DNAH9: variants seen among roughly 807,000 people sequenced by gnomAD.
DNAH9 encodes the protein dynein axonemal heavy chain 9.
Under a neutral mutation model 471.6 loss-of-function variants are expected in DNAH9, and 345 were observed. The ratio of observed to expected loss-of-function variants is 0.73; its 90% CI spans 0.67 to 0.80. The LOEUF (loss-of-function observed/expected upper bound fraction) is 0.80. DNAH9 is among the 30% of genes least tolerant of loss of function. The pLI is 0.00. For missense variants in DNAH9, 5,407 were observed against 5,609.2 expected, an observed-to-expected ratio of 0.96 and a Z score of 1.15; for synonymous variants, 2,093 against 2,123.6, an observed-to-expected ratio of 0.99 and a Z score of 0.40.
At chr17:11,607,109 C>T (rs1226074082) in intron 1 of DNAH9, among the ~76,000 whole-genome samples, 4 of 152,188 alleles carry the variant, frequency 2.6e-5, no homozygotes, top group Non-Finnish European at 4.4e-5. Flanking sequence ...TTTCAAGGTG[C>T]CCTTCCCACC....
rs1972717748 is a variant in DNAH9, at chr17:11,881,427, G to A, written c.10806+14G>A. The stretch of plus-strand genomic sequence containing the variant: ...GAGCAGCTGAAGGTGAGGACAGAAG[G>A]GAGAAAATGTTCTGCCACTAGAGCC... On this transcript the variant is annotated intron_variant, in intron 55 of 68. Transcript: ENST00000262442. The A allele has an allele frequency of 1.9e-6, 3 of 1,603,248 alleles. No individual in the cohort carries two copies. Among genetic ancestry groups the A allele is most frequent in the Admixed American group, 1.7e-5 (1 of 58,994 alleles).
At chr17:11,734,733 C>G (rs2075318321) in intron 28 of DNAH9, among the ~76,000 whole-genome samples, 1 of 152,234 alleles carries the variant, frequency 6.6e-6, no homozygotes, top group South Asian at 2.1e-4. Flanking sequence ...GTGATTTGCT[C>G]TGCAGACTCA....
At chr17:11,817,271 T>C (rs1386466525) in intron 45 of DNAH9, among the ~76,000 whole-genome samples, 3 of 152,172 alleles carry the variant, frequency 2.0e-5, no homozygotes, top group Non-Finnish European at 4.4e-5. Flanking sequence ...CAAATTTTGT[T>C]CCCTATTCAG....
intron 13 of DNAH9, among the ~76,000 whole-genome samples, chr17:11,652,490 T>C (rs1297738754): frequency 6.6e-6 from 1 of 151,946 alleles, no homozygotes; most frequent in African/African-American, 2.4e-5. Flanking sequence ...TTTCACCGTG[T>C]TAGCCAGGAT....
intron 38 of DNAH9, among the ~76,000 whole-genome samples, chr17:11,771,238 CTT>C (rs1030452266): frequency 1.3e-5 from 2 of 152,188 alleles, no homozygotes; most frequent in African/African-American, 4.8e-5. Context: ...AAGCAATTCT[CTT>C]GTCTCAGCCT....
chr17:11,890,878 G>A (rs1037095564), intron 57 of DNAH9, among the ~76,000 whole-genome samples: 13 of 152,010 alleles, frequency 8.6e-5, no homozygotes, highest in East Asian at 1.9e-4. Context: ...GTAGAGACAC[G>A]GTCTCGCTAT....
At chr17:11,725,846 G>A (rs1289812038) in intron 27 of DNAH9, among the ~76,000 whole-genome samples, 3 of 151,956 alleles carry the variant, frequency 2.0e-5, no homozygotes, top group Non-Finnish European at 4.4e-5. Context: ...CAGCCTGGGT[G>A]ACAGAGCAAG....
intron 45 of DNAH9, among the ~76,000 whole-genome samples, chr17:11,815,100 C>T (rs376742219): frequency 1.9e-4 from 29 of 152,226 alleles, no homozygotes; most frequent in African/African-American, 5.3e-4. Flanking sequence ...AAACCAGGAC[C>T]GGTTTGGTTC....
At chr17:11,884,145 C>G (rs2150998219) in intron 56 of DNAH9, among the ~76,000 whole-genome samples, 1 of 152,198 alleles carries the variant, frequency 6.6e-6, no homozygotes, top group South Asian at 2.1e-4. Context: ...ATGATTGCAT[C>G]CTGACAAAAC....
At chr17:11,732,375 C>T (rs914262870) in intron 28 of DNAH9, among the ~76,000 whole-genome samples, 33 of 152,076 alleles carry the variant, frequency 2.2e-4, no homozygotes, top group Admixed American at 1.8e-3. Context: ...GAATACCCAT[C>T]CAAGGAGAAA....
intron 61 of DNAH9, among the ~76,000 whole-genome samples, chr17:11,908,774 G>C (rs1973689785): frequency 6.6e-6 from 1 of 152,258 alleles, no homozygotes; most frequent in South Asian, 2.1e-4. Flanking sequence ...GGTCTGGGCA[G>C]TCTTTTAACG....
At chr17:11,888,448 T>A (rs1455764906) in intron 57 of DNAH9, among the ~76,000 whole-genome samples, 1 of 152,192 alleles carries the variant, frequency 6.6e-6, no homozygotes, top group Non-Finnish European at 1.5e-5. Flanking sequence ...TGAAATTGAC[T>A]ATAGGTACCC....
intron 15 of DNAH9, among the ~76,000 whole-genome samples, chr17:11,667,318 C>T (rs554301478): frequency 5.9e-5 from 9 of 152,072 alleles, no homozygotes; most frequent in African/African-American, 2.2e-4. Flanking sequence ...ATAAACTATA[C>T]CATCTTATAA....
At chr17:11,608,094 C>A (rs9896307) in intron 1 of DNAH9, 35 bp from the exon 2 acceptor site, 4 of 1,482,448 alleles carry the variant, frequency 2.7e-6, no homozygotes, top group Non-Finnish European at 2.7e-6. Flanking sequence ...AGAATTGGAA[C>A]ACCTGCCTTT....
chr17:11,747,117 T>C (rs1427960451), intron 31 of DNAH9, among the ~76,000 whole-genome samples: 1 of 152,208 alleles, frequency 6.6e-6, no homozygotes, highest in African/African-American at 2.4e-5. Context: ...ATGTGTTTTA[T>C]TGAACTTCTA....
At chr17:11,956,187 T>C (rs1975629510) in intron 67 of DNAH9, among the ~76,000 whole-genome samples, 1 of 152,116 alleles carries the variant, frequency 6.6e-6, no homozygotes. Context: ...CAAAAGAAAG[T>C]TGTAGAGGCT....
intron 19 of DNAH9, among the ~76,000 whole-genome samples, chr17:11,689,023 A>T (rs1261127903): frequency 6.6e-6 from 1 of 151,928 alleles, no homozygotes; most frequent in East Asian, 1.9e-4. Flanking sequence ...TGAACCCGGG[A>T]GGCAGAGTTT....
chr17:11,924,487 A>G (rs740362), intron 62 of DNAH9, among the ~76,000 whole-genome samples: 27,894 of 152,060 alleles, frequency 0.18, 2,641 homozygotes, highest in East Asian at 0.27. Flanking sequence ...CCTCTCTTCT[A>G]TCAGAAAAGA....
In DNAH9 at chr17:11,680,746, C is replaced by G; in HGVS notation, c.3600C>G (p.Asn1200Lys). The G allele has an allele frequency of 6.2e-7, 1 of 1,613,996 alleles. No homozygotes were observed. The highest frequency in any genetic ancestry group is 8.5e-7 in the Non-Finnish European group (1 of 1,179,970). Residue 1200 changes from asparagine (N) to lysine (K), a missense_variant, in exon 19 of 69, where the codon AAC (asparagine) becomes AAG (lysine). Asn to Lys is a moderately conservative substitution (Grantham distance 94). Around this residue, in one of 3 missense-constraint regions of DNAH9, gnomAD observed 4,636 missense variants for 4,900.3 expected, o/e 0.95. Transcript: ENST00000262442. ...QLEELPEKWN[N>K]IKKVAITVKQ... ...AGGAGCTGCCTGAGAAATGGAACAACATAAAAAAGGTGGCCATTACTGTGA... is the reference window on the plus strand; with the variant it reads ...AGGAGCTGCCTGAGAAATGGAACAAGATAAAAAAGGTGGCCATTACTGTGA...
Sources: gnomAD v4.1 joint callset for allele counts (sites outside exome capture counted in the v4.1 genomes callset) on GRCh38, gnomAD v4.1.1 for gene constraint, gnomAD v4.1.1 regional missense constraint, MANE v1.5 for transcripts, NCBI Gene and HGNC (gene_info 2026-07-23, HGNC 2026-07-21) for gene names.